ZBTB5: variants seen among roughly 807,000 people sequenced by gnomAD.
ZBTB5 encodes zinc finger and BTB domain containing 5.
Under a neutral mutation model 37.9 loss-of-function variants are expected in ZBTB5, and 15 were observed. The ratio of observed to expected loss-of-function variants is 0.40; its 90% CI spans 0.26 to 0.61. The LOEUF is 0.61. Ranked by LOEUF, ZBTB5 falls within the 20% of genes least tolerant of loss-of-function variation. The pLI is 0.47. For synonymous variants in ZBTB5, 315 were observed against 312.4 expected (o/e 1.01, Z -0.09); for missense variants, 708 against 856.8 (o/e 0.83, Z 2.17).
chr9:37,457,184 A>G lies in ZBTB5; in HGVS notation c.-5+8031T>C, dbSNP rs902836335. On this transcript the variant is annotated intron_variant, in intron 1 of 1. Transcript: ENST00000307750. ...AGCTCAAGGGACCTCAACAGCCCAT[A>G]AAGGTACTTGTGTATTTTTTGTATA... 3.9e-5 allele frequency among the ~76,000 whole-genome samples: 6 copies of G among 152,342 alleles called. No homozygotes were observed. The East Asian group carries it at 1.2e-3, about 29-fold the overall frequency.
intron 1 of ZBTB5, among the ~76,000 whole-genome samples, chr9:37,445,550 C>T (rs1370543319): frequency 6.6e-6 from 1 of 150,968 alleles, no homozygotes; most frequent in Non-Finnish European, 1.5e-5. Context: ...ACTTGGGAGG[C>T]TGAGGGGGAT....
chr9:37,460,465 G>T (rs1351604005), intron 1 of ZBTB5, among the ~76,000 whole-genome samples: 1 of 152,184 alleles, frequency 6.6e-6, no homozygotes, highest in Non-Finnish European at 1.5e-5. Context: ...CCAGATGCGG[G>T]GCTCACACCT....
intron 1 of ZBTB5, among the ~76,000 whole-genome samples, chr9:37,448,812 C>T (rs758124358): frequency 3.3e-5 from 5 of 152,152 alleles, no homozygotes; most frequent in African/African-American, 1.2e-4. Flanking sequence ...TTTGGAAGGC[C>T]GAGGTGGGCA....
intron 1 of ZBTB5, among the ~76,000 whole-genome samples, chr9:37,453,957 A>G (rs1329753617): frequency 6.6e-6 from 1 of 152,200 alleles, no homozygotes; most frequent in African/African-American, 2.4e-5. Flanking sequence ...TCCAGAAGGT[A>G]TCAAGACTCT....
Position 37,438,118 on chromosome 9 carries a change from T to C in ZBTB5, c.*2400A>G, listed in dbSNP as rs1299977299. The C allele has an allele frequency of 6.6e-6, 1 of 152,406 alleles. No homozygotes were observed. Among genetic ancestry groups the C allele is most frequent in the Non-Finnish European group, 1.5e-5 (1 of 68,028 alleles). 9.4% of individuals were successfully genotyped at this position (152,406 alleles called of 1,614,324 possible). On this transcript the variant is annotated 3_prime_UTR_variant, in exon 2 of 2. Coordinates refer to ENST00000307750, the MANE Select transcript of ZBTB5 (RefSeq NM_014872.3). ...GAACACATATTTAGAGGCATGAATA[T>C]GACAAATTTTTTATTTCAAAAATCT...
intron 1 of ZBTB5, among the ~76,000 whole-genome samples, chr9:37,445,927 C>G (rs1038776588): frequency 1.3e-5 from 2 of 151,904 alleles, no homozygotes; most frequent in African/African-American, 4.8e-5. Context: ...ATGGCAAAAC[C>G]CCATCTCAAC....
intron 1 of ZBTB5, among the ~76,000 whole-genome samples, chr9:37,451,222 AG>A (rs1824097165): frequency 6.6e-6 from 1 of 151,718 alleles, no homozygotes; most frequent in South Asian, 2.1e-4. Context: ...AAAGCAGGGA[AG>A]GTAAGGCCTG....
intron 1 of ZBTB5, 87 bp from the exon 2 acceptor site, chr9:37,442,642 G>T: frequency 9.0e-7 from 1 of 1,111,226 alleles, no homozygotes; most frequent in East Asian, 2.6e-5. Flanking sequence ...GAGTGGAATG[G>T]ATGGCCAAGC....
chr9:37,460,095 C>T (rs1824263000), intron 1 of ZBTB5, among the ~76,000 whole-genome samples: 1 of 152,068 alleles, frequency 6.6e-6, no homozygotes, highest in African/African-American at 2.4e-5. Context: ...CTGCCTACCT[C>T]AGCCTCCCAA....
Position 37,441,448 on chromosome 9 carries a change from T to C in ZBTB5, c.1104A>G (p.Ile368Met). The C allele has an allele frequency of 6.2e-7, 1 of 1,613,686 alleles. No homozygotes were observed. The highest frequency in any genetic ancestry group is 8.5e-7 in the Non-Finnish European group (1 of 1,179,958). ...VEGVVVSAEK[I>M]DLSPESSDRS... The stretch of plus-strand genomic sequence containing the variant: ...GATCACTGCTTTCAGGGCTGAGGTC[T>C]ATCTTCTCGGCACTGACCACAACTC... The change falls in exon 2 of 2, where the codon ATA (isoleucine) becomes ATG (methionine). Residue 368 changes from isoleucine to methionine, a missense_variant. This residue lies in a region of ZBTB5 where 639 missense variants were observed against 690.5 expected (regional missense o/e 0.93). Transcript: ENST00000307750.
In ZBTB5 at chr9:37,453,281, G is replaced by A. The variant is rs555925360; in HGVS notation, c.-4-10726C>T. On this transcript the variant is annotated intron_variant, in intron 1 of 1. Transcript: ENST00000307750. ...TAGCTCACTACAGCCTTGAACTCCT[G>A]AGCTTAAGCAATCCTCCCACCTCAG... Among the ~76,000 whole-genome samples the A allele has an allele frequency of 1.2e-4, 19 of 152,132 alleles. No individual in the cohort carries two copies. The East Asian group carries it at 3.7e-3, about 29-fold the overall frequency.
At chr9:37,454,969 T>C (rs1195053405) in intron 1 of ZBTB5, among the ~76,000 whole-genome samples, 2 of 152,160 alleles carry the variant, frequency 1.3e-5, no homozygotes, top group Non-Finnish European at 2.9e-5. Context: ...ACCCTAGTGA[T>C]ATGGACAGGA....
chr9:37,450,013 A>G (rs1564312029), intron 1 of ZBTB5, among the ~76,000 whole-genome samples: 3 of 152,138 alleles, frequency 2.0e-5, no homozygotes, highest in Admixed American at 6.6e-5. Context: ...TGGAATGGCC[A>G]GCCTTCCCCA....
chr9:37,453,221 G>C (rs1824132812), intron 1 of ZBTB5, among the ~76,000 whole-genome samples: 1 of 152,104 alleles, frequency 6.6e-6, no homozygotes, highest in Non-Finnish European at 1.5e-5. Context: ...ACAGGGTCTT[G>C]CTCTGTCATC....
At chr9:37,450,461 G>A (rs1305226921) in intron 1 of ZBTB5, among the ~76,000 whole-genome samples, 1 of 152,204 alleles carries the variant, frequency 6.6e-6, no homozygotes, top group Admixed American at 6.5e-5. Flanking sequence ...TTGGAAGATA[G>A]AAGAATGAGT....
Position 37,445,493 on chromosome 9 carries a change from C to T in ZBTB5, c.-4-2938G>A, listed in dbSNP as rs982824984. ...AAAACCCCATCTCTTACTAAAAATA[C>T]AAAAACAATTAGCCAGGCATGGTGG... is the stretch of plus-strand genomic sequence containing the variant. On this transcript the variant is annotated intron_variant, in intron 1 of 1. Coordinates refer to ENST00000307750, the MANE Select transcript of ZBTB5 (RefSeq NM_014872.3). Among the ~76,000 whole-genome samples, 12 of 151,460 alleles carry T rather than the reference C, an allele frequency of 7.9e-5. No homozygotes were observed. The South Asian group carries it at 8.4e-4, about 11-fold the overall frequency.
chr9:37,455,675 G>A (rs762644937), intron 1 of ZBTB5, among the ~76,000 whole-genome samples: 2 of 152,184 alleles, frequency 1.3e-5, no homozygotes, highest in Non-Finnish European at 2.9e-5. Flanking sequence ...AAACAGACGA[G>A]CCACATCATT....
At chr9:37,462,336 G>A (rs1824309192) in intron 1 of ZBTB5, among the ~76,000 whole-genome samples, 1 of 151,996 alleles carries the variant, frequency 6.6e-6, no homozygotes, top group Non-Finnish European at 1.5e-5. Flanking sequence ...GGCAGACAGG[G>A]GCACATCCCC....
Position 37,462,998 on chromosome 9 carries a change from CA to C in ZBTB5, c.-5+2216del, listed in dbSNP as rs200979196. 6.7e-3 allele frequency among the ~76,000 whole-genome samples: 1,014 copies of C among 152,248 alleles called. 19 individuals carry two copies. The highest frequency in any genetic ancestry group is 0.044 in the Admixed American group (673 of 15,274). ...CCCTCTTCTCTGAGAGCTGTTCCAT[CA>C]CTCAATAAAATTCTTCTCTGCCCTC... On this transcript the variant is annotated intron_variant, in intron 1 of 1. Coordinates refer to ENST00000307750, the MANE Select transcript of ZBTB5 (RefSeq NM_014872.3).
Sources: allele counts gnomAD v4.1 joint callset (sites outside exome capture counted in the v4.1 genomes callset), GRCh38; gene constraint gnomAD v4.1.1; regional missense constraint gnomAD v4.1.1; transcripts MANE v1.5; gene names NCBI Gene and HGNC (gene_info 2026-07-23, HGNC 2026-07-21).